Variants in UNC80 observed in about 807,000 individuals in gnomAD.
UNC80 encodes the protein unc-80 subunit of NALCN channel complex, also known as protein unc-80 homolog.
A neutral mutation model predicts 384.6 loss-of-function variants in UNC80; 164 were observed. The observed-to-expected ratio is 0.43, with a 90% confidence interval of 0.38 to 0.49. The LOEUF (loss-of-function observed/expected upper bound fraction) is 0.49. Ranked by LOEUF, UNC80 falls within the 20% of genes least tolerant of loss-of-function variation. The pLI is 0.00. For synonymous variants in UNC80, 1,486 were observed against 1,527.8 expected, an observed-to-expected ratio of 0.97 and a Z score of 0.64; for missense variants, 3,330 against 4,143.0, an observed-to-expected ratio of 0.80 and a Z score of 5.39.
At chr2:209,902,407 G>A (rs964283217) in intron 28 of UNC80, among the ~76,000 whole-genome samples, 2 of 152,188 alleles carry the variant, frequency 1.3e-5, no homozygotes, top group Non-Finnish European at 2.9e-5. Context: ...AGTTGATAAG[G>A]CAGCAGCAGG....
chr2:209,814,850 C>A (rs1444496210), intron 8 of UNC80, among the ~76,000 whole-genome samples: 1 of 151,966 alleles, frequency 6.6e-6, no homozygotes, highest in African/African-American at 2.4e-5. Context: ...ATTCTGAAAA[C>A]AAACATGAGC....
intron 18 of UNC80, among the ~76,000 whole-genome samples, chr2:209,835,978 G>T (rs923092185): frequency 2.0e-5 from 3 of 152,188 alleles, no homozygotes; most frequent in African/African-American, 7.2e-5. Context: ...TTTATTTAGT[G>T]TTCAAGTAGA....
intron 28 of UNC80, among the ~76,000 whole-genome samples, chr2:209,896,947 A>G (rs978960062): frequency 6.6e-6 from 1 of 152,074 alleles, no homozygotes; most frequent in Non-Finnish European, 1.5e-5. Flanking sequence ...AGAAAGAAGT[A>G]AGGAGAAAGG....
intron 25 of UNC80, among the ~76,000 whole-genome samples, chr2:209,884,924 C>T (rs1370052970): frequency 6.6e-5 from 10 of 152,002 alleles, no homozygotes; most frequent in African/African-American, 1.7e-4. Context: ...GGGAGAGCAT[C>T]GGGATAAATA....
chr2:209,951,284 G>A (rs1054215549), intron 47 of UNC80, among the ~76,000 whole-genome samples: 4 of 141,644 alleles, frequency 2.8e-5, no homozygotes, highest in East Asian at 2.0e-4. Context: ...TGAATTTAAC[G>A]TGTCCTTTTT....
intron 22 of UNC80, among the ~76,000 whole-genome samples, chr2:209,869,744 C>T (rs575003693): frequency 6.6e-5 from 10 of 152,036 alleles, no homozygotes; most frequent in Admixed American, 1.3e-4. Flanking sequence ...TAATTACCAA[C>T]CTCCCCCTTA....
At chr2:209,927,678 T>G (rs2090543252) in intron 36 of UNC80, among the ~76,000 whole-genome samples, 1 of 152,156 alleles carries the variant, frequency 6.6e-6, no homozygotes, top group Admixed American at 6.5e-5. Flanking sequence ...TCCTCATACT[T>G]TGCTGATGAA....
chr2:209,905,108 A>G, intron 29 of UNC80, 143 bp downstream of exon 29: 1 of 812,222 alleles, frequency 1.2e-6, no homozygotes, highest in East Asian at 2.7e-5. Flanking sequence ...GAAGAGATGT[A>G]CAAGAAAGAC....
At chr2:209,959,250 G>T in intron 50 of UNC80, 96 bp downstream of exon 50, 1 of 1,393,666 alleles carries the variant, frequency 7.2e-7, no homozygotes, top group Non-Finnish European at 1.0e-6. Flanking sequence ...TTCATTTGAT[G>T]CATAACATAC....
intron 3 of UNC80, 114 bp from the exon 4 acceptor site, chr2:209,777,144 G>A: frequency 1.7e-6 from 2 of 1,211,778 alleles, no homozygotes; most frequent in Non-Finnish European, 2.3e-6. Flanking sequence ...CCTGCTAGCA[G>A]TGGTTGTAAG....
chr2:209,935,650 T>C, intron 39 of UNC80, 64 bp from the exon 40 acceptor site: 1 of 789,730 alleles, frequency 1.3e-6, no homozygotes, highest in Non-Finnish European at 1.9e-6. Flanking sequence ...TTTAATATTT[T>C]ATGCTTTAAA....
In UNC80 at chr2:209,934,072, T is replaced by TAAG; in HGVS notation, c.6178+69_6178+71dup. The TAAG allele has an allele frequency of 2.2e-6, 3 of 1,371,174 alleles. No individual in the cohort carries two copies. In the South Asian group the frequency reaches 4.7e-5, roughly 21 times the overall value. 84.9% of individuals were successfully genotyped at this position (1,371,174 alleles called of 1,614,324 possible). A position where few individuals can be genotyped will look rare whatever the true frequency, so the allele number is the denominator to read the frequency against. Reference sequence around the variant, plus strand: ...AATTATAAATAGCCCTTTGAAAGACTAAGAGTCTCTTTCATTCATGAGAAA... The same window carrying TAAG: ...AATTATAAATAGCCCTTTGAAAGACTAAGAAGAGTCTCTTTCATTCATGAGAAA... On this transcript the variant is annotated intron_variant, in intron 39 of 64. Transcript: ENST00000673920.
chr2:209,873,672 C>A (rs1048352644), intron 23 of UNC80, among the ~76,000 whole-genome samples: 1 of 152,168 alleles, frequency 6.6e-6, no homozygotes, highest in African/African-American at 2.4e-5. Context: ...TTAGACAGAG[C>A]TGAACATAAA....
chr2:209,991,679 T>C (rs1318024229), intron 61 of UNC80, among the ~76,000 whole-genome samples: 1 of 152,208 alleles, frequency 6.6e-6, no homozygotes, highest in African/African-American at 2.4e-5. Flanking sequence ...GCTGCAAACA[T>C]GTGTTGAATG....
intron 29 of UNC80, 28 bp from the exon 30 acceptor site, chr2:209,912,532 C>G: frequency 6.7e-7 from 1 of 1,485,960 alleles, no homozygotes; most frequent in Non-Finnish European, 9.1e-7. Flanking sequence ...ACACATCACT[C>G]TTCATTACAT....
chr2:209,897,602 G>A (rs1321503682), intron 28 of UNC80, among the ~76,000 whole-genome samples: 1 of 152,142 alleles, frequency 6.6e-6, no homozygotes, highest in Non-Finnish European at 1.5e-5. Flanking sequence ...GCAGCCTTGA[G>A]TGTAATACAT....
At chr2:209,782,747 CAAAT>C (rs1351644190) in intron 4 of UNC80, among the ~76,000 whole-genome samples, 4 of 151,946 alleles carry the variant, frequency 2.6e-5, no homozygotes, top group East Asian at 3.9e-4. Context: ...ATAATTAGCT[CAAAT>C]AGTTTATATA....
At chr2:209,842,162 GA>G (rs2081809776) in intron 20 of UNC80, among the ~76,000 whole-genome samples, 187 bp from the exon 21 acceptor site, 1 of 152,154 alleles carries the variant, frequency 6.6e-6, no homozygotes, top group African/African-American at 2.4e-5. Context: ...TAGTTACAGT[GA>G]TGTCTTTTTT....
At chr2:209,923,359 A>G (rs2090184516) in intron 35 of UNC80, among the ~76,000 whole-genome samples, 1 of 152,164 alleles carries the variant, frequency 6.6e-6, no homozygotes, top group Admixed American at 6.5e-5. Context: ...TAAGAGTTTT[A>G]GCATTTATAT....
Sources: gnomAD v4.1 joint callset for allele counts (sites outside exome capture counted in the v4.1 genomes callset) on GRCh38, gnomAD v4.1.1 for gene constraint, MANE v1.5 for transcripts, NCBI Gene and HGNC (gene_info 2026-07-23, HGNC 2026-07-21) for gene names.